Variants in DOCK1 observed in about 807,000 individuals in gnomAD.
DOCK1 encodes the protein dedicator of cytokinesis protein 1.
A neutral mutation model predicts 262.7 loss-of-function variants in DOCK1; 138 were observed. The observed-to-expected ratio is 0.53, with a 90% CI of 0.46 to 0.61. DOCK1 has a LOEUF of 0.61. DOCK1 is among the 20% of genes least tolerant of loss of function. DOCK1 has a pLI of 0.00. For missense variants in DOCK1, 1,908 were observed against 2,370.7 expected (o/e 0.80, Z 4.05); for synonymous variants, 866 against 867.4 (o/e 1.00, Z 0.03).
rs1448983135 is a variant in DOCK1 at position 127,052,918 on chromosome 10, CTTCCCCCTTT to C, written c.2336+113_2336+122del. On this transcript the variant is annotated intron_variant, in intron 22 of 51. Coordinates refer to ENST00000623213, the MANE Select transcript of DOCK1 (RefSeq NM_001290223.2). ...TCGTCCCCTTATTCTTTCCTTTCTTCTTCCCCCTTTTTCCCCCTTGCTTTCTAGGCTGAGA... is the reference window on the plus strand; with the variant it reads ...TCGTCCCCTTATTCTTTCCTTTCTTCTTCCCCCTTGCTTTCTAGGCTGAGA... 3.2e-5 allele frequency: 48 copies of C among 1,488,812 alleles called. No homozygotes were observed. The Middle Eastern group carries it at 1.2e-3, about 37-fold the overall frequency. The allele number at this position is 1,488,812 out of a possible 1,614,324, so 92.2% of individuals were successfully genotyped here.
At chr10:126,961,955 T>C (rs1326636794) in intron 1 of DOCK1, among the ~76,000 whole-genome samples, 1 of 152,222 alleles carries the variant, frequency 6.6e-6, no homozygotes, top group Non-Finnish European at 1.5e-5. Context: ...AGTTCCAGTT[T>C]CTTCGTGTCC....
chr10:127,100,357 C>T lies in DOCK1; in HGVS notation c.2446-5874C>T, dbSNP rs539332294. 6.6e-6 allele frequency among the ~76,000 whole-genome samples: 1 copy of T among 152,250 alleles called. No homozygotes were observed. The highest frequency in any genetic ancestry group is 2.4e-5 in the African/African-American group (1 of 41,556). On this transcript the variant is annotated intron_variant, in intron 23 of 51. Coordinates refer to ENST00000623213, the MANE Select transcript of DOCK1 (RefSeq NM_001290223.2). This position sits in a 1 kb window ranked among gnomAD's most constrained non-coding sequence, Gnocchi z 5.5. ...GAAGGGGGCTGTGAGGAAGAGAGAA[C>T]ACCCGGTGTGATGCCCAGGCCTGTG...
At chr10:127,119,552 C>T (rs1056381954) in intron 25 of DOCK1, among the ~76,000 whole-genome samples, 3 of 152,140 alleles carry the variant, frequency 2.0e-5, no homozygotes, top group African/African-American at 4.8e-5. Flanking sequence ...CATGTTGAAA[C>T]CTGTGGGTCC....
At chr10:127,397,305 A>G (rs56239249) in intron 38 of DOCK1, among the ~76,000 whole-genome samples, 5,804 of 32,118 alleles carry the variant, frequency 0.18, 219 homozygotes, top group Middle Eastern at 0.35. Context: ...CACGGGCGGC[A>G]ACTCCTATGT....
intron 23 of DOCK1, among the ~76,000 whole-genome samples, chr10:127,075,133 C>T (rs370172444): frequency 7.5e-6 from 1 of 133,974 alleles, no homozygotes; most frequent in Non-Finnish European, 1.5e-5. Context: ...TGCACCATTG[C>T]ACTCCAGCCT....
chr10:127,388,207 G>A (rs1434422105), intron 38 of DOCK1, among the ~76,000 whole-genome samples: 1 of 152,204 alleles, frequency 6.6e-6, no homozygotes, highest in African/African-American at 2.4e-5. Context: ...CTGTGTTTTG[G>A]TGGAGACAGA....
At chr10:127,448,729 G>T (rs141698664) in intron 51 of DOCK1, among the ~76,000 whole-genome samples, 5 of 151,902 alleles carry the variant, frequency 3.3e-5, no homozygotes, top group African/African-American at 1.2e-4. Flanking sequence ...TTATATGGCC[G>T]CAAAACTCCT....
intron 37 of DOCK1, 134 bp from the exon 38 acceptor site, chr10:127,384,656 C>G (rs1045089215): frequency 7.2e-5 from 82 of 1,131,646 alleles, no homozygotes; most frequent in Non-Finnish European, 9.1e-5. Context: ...CCTGGCAGTC[C>G]CCAGCCTGTT....
chr10:126,975,315 A>G (rs1351084761), intron 2 of DOCK1, among the ~76,000 whole-genome samples: 1 of 152,096 alleles, frequency 6.6e-6, no homozygotes, highest in East Asian at 1.9e-4. Context: ...TCCCATGTCC[A>G]TCTCACTCTG....
chr10:127,438,145 C>T (rs2069823604), intron 48 of DOCK1, among the ~76,000 whole-genome samples: 2 of 152,218 alleles, frequency 1.3e-5, no homozygotes, highest in Admixed American at 1.3e-4. Context: ...GATGAGACTC[C>T]AGTCTTAGAG....
chr10:127,068,693 C>G (rs1319242198), intron 23 of DOCK1, among the ~76,000 whole-genome samples: 3 of 152,030 alleles, frequency 2.0e-5, no homozygotes, highest in Admixed American at 2.0e-4. Context: ...GCTCTTTTTG[C>G]TTATTTAGCA....
chr10:126,908,095 T>A (rs1378700598), intron 1 of DOCK1, among the ~76,000 whole-genome samples: 1 of 141,994 alleles, frequency 7.0e-6, no homozygotes, highest in Admixed American at 6.9e-5. Flanking sequence ...TCCATCGGCA[T>A]CCAGAGGCAC....
chr10:127,413,468 G>T (rs1439392310), intron 43 of DOCK1, among the ~76,000 whole-genome samples: 1 of 152,214 alleles, frequency 6.6e-6, no homozygotes, highest in African/African-American at 2.4e-5. Flanking sequence ...CCCTCCAGCG[G>T]GGAGCCTGGC....
intron 29 of DOCK1, among the ~76,000 whole-genome samples, chr10:127,272,564 T>C (rs1174388024): frequency 6.6e-6 from 1 of 152,238 alleles, no homozygotes; most frequent in East Asian, 1.9e-4. Flanking sequence ...AATCTATTTT[T>C]TATAGACAGA....
Position 127,451,616 on chromosome 10 carries a change from G to A in DOCK1, c.*189G>A, listed in dbSNP as rs565057230. The A allele has an allele frequency of 6.5e-6, 9 of 1,377,968 alleles. No individual in the cohort carries two copies. In the South Asian group the frequency reaches 8.9e-5, roughly 14 times the overall value. 85.4% of individuals were successfully genotyped at this position (1,377,968 alleles called of 1,614,324 possible). A position where few individuals can be genotyped will look rare whatever the true frequency, so the allele number is the denominator to read the frequency against. ...GGCCTTTAGCGTCATGGAGCAAGGTGGGTCTGGGAGGTAGATATGGGTCCG... is the reference window on the plus strand; with the variant it reads ...GGCCTTTAGCGTCATGGAGCAAGGTAGGTCTGGGAGGTAGATATGGGTCCG... On this transcript the variant is annotated 3_prime_UTR_variant, in exon 52 of 52. Transcript: ENST00000623213.
chr10:127,020,797 C>G (rs547475866), intron 13 of DOCK1, among the ~76,000 whole-genome samples: 54 of 152,258 alleles, frequency 3.5e-4, no homozygotes, highest in African/African-American at 1.2e-3. Context: ...GGTTATCAGT[C>G]TGTCTCGCTG....
At chr10:126,938,992 C>T (rs965213430) in intron 1 of DOCK1, among the ~76,000 whole-genome samples, 18 of 112,680 alleles carry the variant, frequency 1.6e-4, no homozygotes, top group Non-Finnish European at 2.4e-4. Context: ...GGATGAGCAC[C>T]GGAGGGGACG....
chr10:126,926,398 AG>A (rs1163650328), intron 1 of DOCK1, among the ~76,000 whole-genome samples: 5 of 152,130 alleles, frequency 3.3e-5, no homozygotes, highest in African/African-American at 1.2e-4. Flanking sequence ...AAGAAAAAAA[AG>A]AACTTTGAAC....
chr10:127,326,251 T>G (rs1160716778), intron 29 of DOCK1, among the ~76,000 whole-genome samples: 1 of 152,258 alleles, frequency 6.6e-6, no homozygotes, highest in Non-Finnish European at 1.5e-5. Flanking sequence ...GATTTCTCTG[T>G]AGCCTGTGAT....
Sources: gnomAD v4.1 joint callset for allele counts (sites outside exome capture counted in the v4.1 genomes callset) on GRCh38, gnomAD v4.1.1 for gene constraint, Gnocchi (gnomAD v3.1) non-coding constraint, MANE v1.5 for transcripts, NCBI Gene and HGNC (gene_info 2026-07-23, HGNC 2026-07-21) for gene names.